Variants in OOSP1 observed in about 807,000 individuals in gnomAD.
OOSP1 encodes the protein putative oocyte-secreted protein 1 homolog.
A neutral mutation model predicts 5.7 loss-of-function variants in OOSP1; 11 were observed. The ratio of observed to expected loss-of-function variants is 1.94; its 90% CI spans 1.22 to 3.20. The LOEUF (loss-of-function observed/expected upper bound fraction) is 3.20, where lower values mean the gene tolerates loss of function less well. Ranked by LOEUF, OOSP1 falls within the 30% of genes most tolerant of loss-of-function variation. OOSP1 has a pLI of 0.00. For missense variants in OOSP1, 83 were observed against 54.1 expected (o/e 1.53, Z -1.67); for synonymous variants, 44 against 20.0 (o/e 2.20, Z -3.20).
At chr11:59,948,845 T>G (rs1272473242) in intron 4 of OOSP1, 3 of 397,728 alleles carry the variant, frequency 7.5e-6, no homozygotes, top group African/African-American at 6.2e-5. Context: ...AATGTGCTAT[T>G]TTGTGAAAAT....
intron 1 of OOSP1, among the ~76,000 whole-genome samples, chr11:59,941,996 A>G (rs992666360): frequency 1.1e-4 from 16 of 152,282 alleles, no homozygotes; most frequent in African/African-American, 3.8e-4. Flanking sequence ...AGTTATTTGC[A>G]ATATGTATAG....
At chr11:59,956,078 G>A (rs977221152) in intron 4 of OOSP1, among the ~76,000 whole-genome samples, 9 of 152,136 alleles carry the variant, frequency 5.9e-5, no homozygotes, top group East Asian at 1.9e-4. Flanking sequence ...TGTGACCAGC[G>A]GATATAGAAA....
intron 4 of OOSP1, among the ~76,000 whole-genome samples, chr11:59,952,493 A>G (rs1265005397): frequency 6.6e-6 from 1 of 152,158 alleles, no homozygotes; most frequent in East Asian, 1.9e-4. Context: ...AGGAACTTGG[A>G]TGGAGCTGGA....
At chr11:59,944,504 T>C (rs1307221774) in intron 2 of OOSP1, among the ~76,000 whole-genome samples, 1 of 152,172 alleles carries the variant, frequency 6.6e-6, no homozygotes, top group Non-Finnish European at 1.5e-5. Flanking sequence ...AATTATGTAA[T>C]GAATATGGGT....
intron 1 of OOSP1, among the ~76,000 whole-genome samples, chr11:59,939,450 C>T (rs764682657): frequency 6.6e-6 from 1 of 152,040 alleles, no homozygotes; most frequent in African/African-American, 2.4e-5. Flanking sequence ...CGGGGTTTTA[C>T]CATATTGGCC....
chr11:59,947,179 T>C (rs920480011), intron 3 of OOSP1, among the ~76,000 whole-genome samples: 2 of 152,154 alleles, frequency 1.3e-5, no homozygotes, highest in African/African-American at 4.8e-5. Context: ...TTCCCACAGA[T>C]AATTATAATA....
chr11:59,956,023 G>T (rs984826349), intron 4 of OOSP1, among the ~76,000 whole-genome samples: 1 of 152,102 alleles, frequency 6.6e-6, no homozygotes, highest in Non-Finnish European at 1.5e-5. Flanking sequence ...GTGAGACAGT[G>T]CCACTCAAAG....
chr11:59,943,897 C>A (rs747627112), intron 2 of OOSP1, among the ~76,000 whole-genome samples: 1 of 152,002 alleles, frequency 6.6e-6, no homozygotes, highest in African/African-American at 2.4e-5. Context: ...TTCATTATCC[C>A]AAATAAAACG....
At chr11:59,943,089 G>T in intron 2 of OOSP1, 61 bp downstream of exon 2, 1 of 676,894 alleles carries the variant, frequency 1.5e-6, no homozygotes, top group East Asian at 2.7e-5. Flanking sequence ...TCCCCTTCCT[G>T]TGTCCATGTG....
chr11:59,949,438 C>A (rs1198310773), intron 4 of OOSP1, among the ~76,000 whole-genome samples: 3 of 151,686 alleles, frequency 2.0e-5, no homozygotes, highest in Non-Finnish European at 4.4e-5. Flanking sequence ...ATGAGCCCCG[C>A]AGATCCTGGA....
At chr11:59,948,941 C>T in intron 4 of OOSP1, 1 of 394,394 alleles carries the variant, frequency 2.5e-6, no homozygotes, top group East Asian at 3.6e-5. Context: ...AAGCAGGCTG[C>T]CTTCCACTAT....
intron 3 of OOSP1, among the ~76,000 whole-genome samples, chr11:59,945,508 G>A (rs1401481210): frequency 4.0e-5 from 6 of 151,778 alleles, no homozygotes; most frequent in Admixed American, 1.3e-4. Context: ...TTGGGAGGCC[G>A]AGGTGGGAGG....
rs114622161 is a variant in OOSP1 at position 59,950,499 on chromosome 11, G to A, written c.486+2637G>A. Reference sequence around the variant, plus strand: ...TAAGAGGTTGCTGAGAGAAGGCAGAGCCTTTGAATGAGCCAAAGAGAAGAC... The same window carrying A: ...TAAGAGGTTGCTGAGAGAAGGCAGAACCTTTGAATGAGCCAAAGAGAAGAC... On this transcript the variant is annotated intron_variant, in intron 4 of 4. Coordinates refer to ENST00000646685, the Ensembl canonical transcript of OOSP1. Among the ~76,000 whole-genome samples the A allele has an allele frequency of 7.3e-3, 1,106 of 152,288 alleles. 18 individuals are homozygous for A. Among genetic ancestry groups the A allele is most frequent in the African/African-American group, 0.025 (1,024 of 41,568 alleles).
intron 4 of OOSP1, among the ~76,000 whole-genome samples, chr11:59,952,304 GA>G (rs1165070019): frequency 6.6e-6 from 1 of 151,966 alleles, no homozygotes; most frequent in African/African-American, 2.4e-5. Flanking sequence ...CTACCCAAAG[GA>G]AAATAAGTCA....
chr11:59,939,794 TTTCTCTTTCTC>T (rs772567444), intron 1 of OOSP1, among the ~76,000 whole-genome samples: 15 of 151,978 alleles, frequency 9.9e-5, no homozygotes, highest in Non-Finnish European at 1.3e-4. Flanking sequence ...TTCTTTTCTT[TTTCTCTTTCTC>T]TTCTCTTTCT....
chr11:59,947,707 T>C (rs889385201), intron 3 of OOSP1, 26 bp from the exon 4 acceptor site: 6 of 398,334 alleles, frequency 1.5e-5, no homozygotes, highest in Non-Finnish European at 2.7e-5. Flanking sequence ...CACTATGTGA[T>C]ATTTTTCTAT....
chr11:59,955,783 C>A (rs1427139418), intron 4 of OOSP1, among the ~76,000 whole-genome samples: 1 of 152,060 alleles, frequency 6.6e-6, no homozygotes, highest in African/African-American at 2.4e-5. Context: ...CATGCTCACA[C>A]TATCACAACT....
chr11:59,942,762 A>C, intron 1 of OOSP1, 85 bp from the exon 2 acceptor site: 1 of 616,108 alleles, frequency 1.6e-6, no homozygotes, highest in Non-Finnish European at 2.9e-6. Context: ...TGATCTCTTC[A>C]TTTGTATTAA....
At chr11:59,945,237 T>C (rs933954994) in exon 3 of OOSP1, 3 of 702,920 alleles carry the variant, frequency 4.3e-6, no homozygotes, top group African/African-American at 3.5e-5. Flanking sequence ...CTGTCCGATC[T>C]GAAATGCCTC....
Sources: allele counts gnomAD v4.1 joint callset (sites outside exome capture counted in the v4.1 genomes callset), GRCh38; gene constraint gnomAD v4.1.1; transcripts MANE v1.5; gene names NCBI Gene and HGNC (gene_info 2026-07-23, HGNC 2026-07-21).